The following MEGF10 variants were observed in gnomAD, a reference collection of about 807,000 sequenced individuals.
MEGF10 encodes the protein multiple epidermal growth factor-like domains protein 10.
A neutral mutation model predicts 147.5 loss-of-function variants in MEGF10; 86 were observed. That is an observed-to-expected ratio of 0.58 (90% CI 0.49 to 0.70). The LOEUF is 0.70. MEGF10 is among the 30% of genes least tolerant of loss of function. The pLI is 0.00. For missense variants in MEGF10, 1,329 were observed against 1,487.3 expected, an observed-to-expected ratio of 0.89 and a Z score of 1.75; for synonymous variants, 478 against 525.5, an observed-to-expected ratio of 0.91 and a Z score of 1.24.
At chr5:127,295,323 A>G (rs1025917724) in intron 1 of MEGF10, among the ~76,000 whole-genome samples, 1 of 152,156 alleles carries the variant, frequency 6.6e-6, no homozygotes, top group Non-Finnish European at 1.5e-5. Context: ...ACTTTACACA[A>G]TTTTGGTTAT....
In MEGF10 at chr5:127,422,716, A is replaced by G. The variant is rs1261325998; in HGVS notation, c.1637A>G (p.His546Arg). The G allele has an allele frequency of 1.2e-6, 2 of 1,614,018 alleles. No individual in the cohort carries two copies. The highest frequency in any genetic ancestry group is 1.3e-5 in the African/African-American group (1 of 74,928). The change falls in exon 13 of 25, where the codon CAC becomes CGC. Residue 546 changes from histidine (H) to arginine (R), a missense_variant. Transcript: ENST00000503335. ...LNCAERCDCS[H>R]ADGCHPTTGH... ...TGTGCTGAGCGCTGCGACTGCAGCC[A>G]CGCAGATGGCTGCCACCCTACCACG...
At chr5:127,233,280 G>A in the MEGF10 span, among the ~76,000 whole-genome samples, 1 of 152,134 alleles carries the variant, frequency 6.6e-6, no homozygotes, top group East Asian at 1.9e-4. Flanking sequence ...TAGGACACAG[G>A]CCCCTTGATG....
intron 1 of MEGF10, among the ~76,000 whole-genome samples, chr5:127,298,228 G>C (rs929771556): frequency 6.6e-6 from 1 of 152,072 alleles, no homozygotes; most frequent in Non-Finnish European, 1.5e-5. Flanking sequence ...TGGCTTCAGC[G>C]CTGTCCTGCT....
the MEGF10 span, among the ~76,000 whole-genome samples, chr5:127,285,660 G>A: frequency 6.6e-6 from 1 of 152,180 alleles, no homozygotes; most frequent in Non-Finnish European, 1.5e-5. Context: ...GTTTTCAGGT[G>A]CACATGAACC....
At chr5:127,317,977 T>C (rs1008408482) in intron 1 of MEGF10, among the ~76,000 whole-genome samples, 12 of 152,044 alleles carry the variant, frequency 7.9e-5, no homozygotes, top group African/African-American at 2.7e-4. Flanking sequence ...GGAGGAGGAA[T>C]TGAGTTGATT....
At chr5:127,370,814 G>C (rs184257166) in intron 5 of MEGF10, among the ~76,000 whole-genome samples, 7 of 151,748 alleles carry the variant, frequency 4.6e-5, no homozygotes, top group East Asian at 1.9e-4. Flanking sequence ...TTCTTTTTTC[G>C]CCTTGAGAAA....
chr5:127,398,921 A>G, intron 7 of MEGF10, 125 bp downstream of exon 7: 2 of 1,333,804 alleles, frequency 1.5e-6, no homozygotes, highest in Non-Finnish European at 2.1e-6. Context: ...AGATTCCAAA[A>G]TTGGAAAGAC....
chr5:127,426,248 C>G (rs1212073881), intron 13 of MEGF10, among the ~76,000 whole-genome samples: 1 of 152,180 alleles, frequency 6.6e-6, no homozygotes, highest in East Asian at 1.9e-4. Flanking sequence ...ACTGTTCTCT[C>G]AAAGGAACTG....
chr5:127,354,633 T>TAGC (rs1475711808), intron 4 of MEGF10, among the ~76,000 whole-genome samples: 4 of 152,190 alleles, frequency 2.6e-5, no homozygotes, highest in African/African-American at 9.7e-5. Flanking sequence ...TCCTGTGGCA[T>TAGC]TCTGGAATCA....
At chr5:127,310,018 T>C (rs541675801) in intron 1 of MEGF10, among the ~76,000 whole-genome samples, 2,021 of 24,988 alleles carry the variant, frequency 0.081, 348 homozygotes, top group African/African-American at 0.2. Context: ...TCCTTTCTTT[T>C]TTTCTTTCTT....
chr5:127,306,072 T>G (rs1759998447), intron 1 of MEGF10, among the ~76,000 whole-genome samples: 2 of 152,176 alleles, frequency 1.3e-5, no homozygotes, highest in Admixed American at 6.5e-5. Flanking sequence ...CCAAGGAAGG[T>G]TTCTTGTAGC....
intron 12 of MEGF10, among the ~76,000 whole-genome samples, chr5:127,420,609 C>A (rs542952703): frequency 6.6e-6 from 1 of 152,146 alleles, no homozygotes; most frequent in African/African-American, 2.4e-5. Context: ...AGGGTGGTGA[C>A]TGATGTCATA....
chr5:127,278,327 GA>G, the MEGF10 span, among the ~76,000 whole-genome samples: 30 of 146,156 alleles, frequency 2.1e-4, no homozygotes, highest in African/African-American at 6.3e-4. Flanking sequence ...TGATTACCTT[GA>G]AAAAAAAAAG....
chr5:127,410,292 C>A, intron 8 of MEGF10, 97 bp from the exon 9 acceptor site: 1 of 1,159,740 alleles, frequency 8.6e-7, no homozygotes, highest in Non-Finnish European at 1.3e-6. Context: ...CAAAAAGCAG[C>A]TTCGATTTAT....
chr5:127,386,371 G>T (rs1763434842), intron 5 of MEGF10, among the ~76,000 whole-genome samples: 1 of 152,190 alleles, frequency 6.6e-6, no homozygotes, highest in Admixed American at 6.5e-5. Flanking sequence ...TGGCAATGCT[G>T]TCCAGATTTT....
chr5:127,430,989 T>C (rs556750434), intron 13 of MEGF10, among the ~76,000 whole-genome samples: 2 of 152,236 alleles, frequency 1.3e-5, no homozygotes, highest in Non-Finnish European at 2.9e-5. Context: ...TGTTGAAAGA[T>C]GCTTATATGA....
chr5:127,335,227 G>A (rs1190712177), intron 2 of MEGF10, among the ~76,000 whole-genome samples: 1 of 152,120 alleles, frequency 6.6e-6, no homozygotes, highest in African/African-American at 2.4e-5. Flanking sequence ...CTATAGTGAT[G>A]TTTGAGAGAG....
At chr5:127,241,773 G>A in the MEGF10 span, among the ~76,000 whole-genome samples, 1 of 152,100 alleles carries the variant, frequency 6.6e-6, no homozygotes, top group African/African-American at 2.4e-5. Flanking sequence ...TGAGGGGATT[G>A]TACAGTTTTG....
chr5:127,277,150 T>C, the MEGF10 span, among the ~76,000 whole-genome samples: 9 of 152,314 alleles, frequency 5.9e-5, no homozygotes, highest in East Asian at 5.8e-4. Flanking sequence ...GTGGATACCA[T>C]GTGCGCTTCA....
Sources: gnomAD v4.1 joint callset for allele counts (sites outside exome capture counted in the v4.1 genomes callset) on GRCh38, gnomAD v4.1.1 for gene constraint, MANE v1.5 for transcripts, NCBI Gene and HGNC (gene_info 2026-07-23, HGNC 2026-07-21) for gene names.